Variants in SBF2 observed in about 807,000 individuals in gnomAD.
The protein encoded by SBF2 is SET binding factor 2, also known as myotubularin-related protein 13.
Under a neutral mutation model 225.2 loss-of-function variants are expected in SBF2, and 112 were observed. That is an observed-to-expected ratio of 0.50 (90% CI 0.43 to 0.58). The LOEUF (loss-of-function observed/expected upper bound fraction) is 0.58. SBF2 is among the 20% of genes least tolerant of loss of function. The pLI, the probability that SBF2 is intolerant of heterozygous loss-of-function variation, is 0.00. For missense variants in SBF2, 1,996 were observed against 2,206.2 expected (o/e 0.90, Z 1.91); for synonymous variants, 763 against 773.3 (o/e 0.99, Z 0.22).
At chr11:9,859,538 G>C (rs1857558596) in intron 17 of SBF2, among the ~76,000 whole-genome samples, 2 of 152,102 alleles carry the variant, frequency 1.3e-5, no homozygotes, top group South Asian at 4.1e-4. Flanking sequence ...TTATTCTTTG[G>C]AATTGAGTTC....
chr11:10,302,057 T>G (rs369369424), intron 1 of SBF2, among the ~76,000 whole-genome samples: 1 of 152,238 alleles, frequency 6.6e-6, no homozygotes, highest in South Asian at 2.1e-4. Context: ...CTTCCTTCCT[T>G]GTACTGTCCT....
intron 1 of SBF2, among the ~76,000 whole-genome samples, chr11:10,286,166 G>GCGCGCGCA (rs373771420): frequency 3.4e-5 from 5 of 147,236 alleles, no homozygotes; most frequent in African/African-American, 1.3e-4. Flanking sequence ...ACACGCACAC[G>GCGCGCGCA]CACACACACA....
At position 10,146,972 on chromosome 11, in the gene SBF2, A is replaced by G. The variant is rs77132825; in HGVS notation, c.141+46930T>C. Among the ~76,000 whole-genome samples, 1,500 of 152,160 alleles carry G rather than the reference A, an allele frequency of 9.9e-3. 31 individuals are homozygous for G. Among genetic ancestry groups the G allele is most frequent in the African/African-American group, 0.034 (1,406 of 41,492 alleles). ...GACCATATGAAAAAAGCTCAATTTC[A>G]CTAATCATTAGGGAAATGCAAACCA... On this transcript the variant is annotated intron_variant, in intron 2 of 39. Transcript: ENST00000256190.
At chr11:9,822,505 C>A (rs911944465) in intron 28 of SBF2, among the ~76,000 whole-genome samples, 3 of 152,134 alleles carry the variant, frequency 2.0e-5, no homozygotes, top group African/African-American at 7.2e-5. Context: ...CGTGATCCGC[C>A]CGCCTCGGCC....
At chr11:10,073,291 A>G (rs952529817) in intron 2 of SBF2, among the ~76,000 whole-genome samples, 3 of 152,196 alleles carry the variant, frequency 2.0e-5, no homozygotes, top group African/African-American at 4.8e-5. Context: ...TGAAGTAAAA[A>G]TTATTAAAAT....
chr11:9,822,329 T>C (rs1410433260), intron 28 of SBF2, among the ~76,000 whole-genome samples: 5 of 149,616 alleles, frequency 3.3e-5, no homozygotes, highest in South Asian at 2.1e-4. Context: ...GGCGCGATCC[T>C]GGCTCACTGC....
intron 2 of SBF2, among the ~76,000 whole-genome samples, chr11:10,090,887 T>C (rs952546843): frequency 1.3e-5 from 2 of 152,082 alleles, no homozygotes; most frequent in South Asian, 2.1e-4. Flanking sequence ...AATTCCTTTT[T>C]TCTTCTTCAA....
intron 16 of SBF2, among the ~76,000 whole-genome samples, chr11:9,916,049 G>A (rs1863060951): frequency 6.6e-6 from 1 of 152,176 alleles, no homozygotes; most frequent in Non-Finnish European, 1.5e-5. Flanking sequence ...AAGTGACAGA[G>A]TGAGATTCTG....
In SBF2 at chr11:9,790,846, C is replaced by T. The variant is rs181706953; in HGVS notation, c.4571-163G>A. On this transcript the variant is annotated intron_variant, in intron 33 of 39. Transcript: ENST00000256190. ...AGAAAATAACTGCAAAGCTAAAGACCGGAATGAATTTCATCGCTACAGGGA... is the reference window on the plus strand; with the variant it reads ...AGAAAATAACTGCAAAGCTAAAGACTGGAATGAATTTCATCGCTACAGGGA... The T allele has an allele frequency of 3.9e-3, 2,222 of 565,686 alleles. 11 individuals are homozygous for T. Among genetic ancestry groups the T allele is most frequent in the Middle Eastern group, 5.0e-3 (10 of 2,006 alleles). The allele number at this position is 565,686 out of a possible 1,614,324, so 35.0% of individuals were successfully genotyped here.
chr11:10,304,220 C>T (rs545930030), intron 1 of SBF2, among the ~76,000 whole-genome samples: 6 of 152,310 alleles, frequency 3.9e-5, no homozygotes, highest in Non-Finnish European at 8.8e-5. Flanking sequence ...AAATGATTAG[C>T]ATACGTGAAG....
At chr11:9,864,804 G>A (rs1590258513) in intron 17 of SBF2, among the ~76,000 whole-genome samples, 1 of 152,204 alleles carries the variant, frequency 6.6e-6, no homozygotes, top group African/African-American at 2.4e-5. Context: ...GAAATTGGTA[G>A]ACATCAAATC....
At chr11:9,939,387 C>T (rs766425246) in intron 16 of SBF2, among the ~76,000 whole-genome samples, 1 of 152,130 alleles carries the variant, frequency 6.6e-6, no homozygotes, top group South Asian at 2.1e-4. Flanking sequence ...TGAGCCACTG[C>T]GCCCGGCCTA....
At chr11:9,804,288 C>T (rs1346619722) in intron 32 of SBF2, among the ~76,000 whole-genome samples, 1 of 152,146 alleles carries the variant, frequency 6.6e-6, no homozygotes, top group Non-Finnish European at 1.5e-5. Flanking sequence ...TGCCCTGTTT[C>T]CATAAAGCAA....
At chr11:10,076,587 T>C (rs926687542) in intron 2 of SBF2, among the ~76,000 whole-genome samples, 3 of 152,188 alleles carry the variant, frequency 2.0e-5, no homozygotes, top group East Asian at 1.9e-4. Context: ...TGGGGCGATG[T>C]TACAATCTGA....
intron 1 of SBF2, among the ~76,000 whole-genome samples, chr11:10,235,641 C>T (rs1959040083): frequency 6.6e-6 from 1 of 151,884 alleles, no homozygotes; most frequent in Non-Finnish European, 1.5e-5. Context: ...TTCAAATCAA[C>T]AATCCTTCAA....
chr11:10,113,406 AAC>A (rs1407358360), intron 2 of SBF2, among the ~76,000 whole-genome samples: 2 of 152,234 alleles, frequency 1.3e-5, no homozygotes, highest in African/African-American at 4.8e-5. Context: ...TAAAAATATA[AAC>A]AAACTTGTTT....
At chr11:10,289,791 A>T (rs555864317) in intron 1 of SBF2, among the ~76,000 whole-genome samples, 2 of 152,192 alleles carry the variant, frequency 1.3e-5, no homozygotes, top group East Asian at 3.9e-4. Flanking sequence ...AGACCCCCAT[A>T]TCACACCTCC....
At chr11:9,804,499 A>C (rs1222052517) in intron 32 of SBF2, among the ~76,000 whole-genome samples, 1 of 152,202 alleles carries the variant, frequency 6.6e-6, no homozygotes, top group East Asian at 1.9e-4. Context: ...TAGTTTTATT[A>C]GTTTTGGTCA....
Position 9,950,683 on chromosome 11 carries a change from T to C in SBF2, c.1860+11274A>G, listed in dbSNP as rs186657140. ...TGAATTATCAACATGTCCGTCAACA[T>C]TCTCTAACCTAGAGATTACTGTGCA... On this transcript the variant is annotated intron_variant, in intron 16 of 39. Transcript: ENST00000256190. Among the ~76,000 whole-genome samples, 18 of 152,300 alleles carry C rather than the reference T, an allele frequency of 1.2e-4. No homozygotes were observed. The East Asian group carries it at 3.3e-3, about 28-fold the overall frequency.
Sources: allele counts gnomAD v4.1 joint callset (sites outside exome capture counted in the v4.1 genomes callset), GRCh38; gene constraint gnomAD v4.1.1; transcripts MANE v1.5; gene names NCBI Gene and HGNC (gene_info 2026-07-23, HGNC 2026-07-21).